The following TRIM32 variants were observed in gnomAD, a reference collection of about 807,000 sequenced individuals.
TRIM32 encodes the protein tripartite motif containing 32.
In TRIM32, 19 loss-of-function variants were observed where a neutral mutation model predicts 36.0. The observed-to-expected ratio is 0.53, with a 90% CI of 0.37 to 0.77. The LOEUF (loss-of-function observed/expected upper bound fraction) is 0.77. Among genes scored for constraint, TRIM32 ranks in the 30% least tolerant of loss-of-function variants. TRIM32 has a pLI of 0.00. For missense variants in TRIM32, 747 were observed against 845.2 expected, an observed-to-expected ratio of 0.88 and a Z score of 1.44; for synonymous variants, 309 against 318.5, an observed-to-expected ratio of 0.97 and a Z score of 0.32.
intron 1 of TRIM32, among the ~76,000 whole-genome samples, chr9:116,691,790 T>A (rs803938): frequency 0.12 from 17,544 of 152,180 alleles, 1,075 homozygotes; most frequent in East Asian, 0.15. Context: ...CGAGTGGCCT[T>A]TGGTGGCACA....
At chr9:116,693,340 T>C (rs1860670116) in intron 1 of TRIM32, among the ~76,000 whole-genome samples, 1 of 152,230 alleles carries the variant, frequency 6.6e-6, no homozygotes, top group African/African-American at 2.4e-5. Flanking sequence ...ACTTTAAGGT[T>C]CATTCTTTTG....
chr9:116,691,366 C>G (rs555106278), intron 1 of TRIM32, among the ~76,000 whole-genome samples: 1 of 152,286 alleles, frequency 6.6e-6, no homozygotes, highest in African/African-American at 2.4e-5. Context: ...TTGAGTCATA[C>G]TGGCAGCGTA....
intron 1 of TRIM32, among the ~76,000 whole-genome samples, chr9:116,695,804 G>A (rs1419778798): frequency 6.6e-6 from 1 of 152,158 alleles, no homozygotes; most frequent in Non-Finnish European, 1.5e-5. Flanking sequence ...ATAAGTATAT[G>A]TATATCAAGA....
chr9:116,698,216 A>G lies in TRIM32; in HGVS notation c.474A>G (p.Glu158=), dbSNP rs955416816. 2 of 1,613,974 alleles carry G rather than the reference A, an allele frequency of 1.2e-6. No homozygotes were observed. Among genetic ancestry groups the G allele is most frequent in the African/African-American group, 2.7e-5 (2 of 74,910 alleles). Residue 158 remains glutamate, a synonymous_variant, in exon 2 of 2, where the codon GAA becomes GAG. Coordinates refer to ENST00000450136, the MANE Select transcript of TRIM32 (RefSeq NM_012210.4). This position sits in a 1 kb window ranked among gnomAD's most constrained non-coding sequence, Gnocchi z 4.4. ...DFGEKLTRLR[E]LMGELQRRKA... is the part of the protein sequence containing the mutation. ...GAGAGAAGTTAACTCGTCTGCGGGAACTTATGGGGGAGCTGCAGCGGCGGA... is the reference window on the plus strand; with the variant it reads ...GAGAGAAGTTAACTCGTCTGCGGGAGCTTATGGGGGAGCTGCAGCGGCGGA...
rs1457058281 is a variant in TRIM32, at chr9:116,700,891, A to C, written c.*1187A>C. The C allele has an allele frequency of 1.2e-5, 2 of 166,964 alleles. No homozygotes were observed. The highest frequency in any genetic ancestry group is 3.8e-4 in the East Asian group (2 of 5,206). The allele number at this position is 166,964 out of a possible 1,614,324, so 10.3% of individuals were successfully genotyped here. On this transcript the variant is annotated 3_prime_UTR_variant, in exon 2 of 2. Coordinates refer to ENST00000450136, the MANE Select transcript of TRIM32 (RefSeq NM_012210.4). ...TCTACCCAGGTCAAAATTCAGCCAA[A>C]AGCACTATTATGTAAAGATAATAAT...
intron 1 of TRIM32, among the ~76,000 whole-genome samples, chr9:116,692,040 T>C (rs1860594424): frequency 1.3e-5 from 2 of 152,228 alleles, no homozygotes; most frequent in South Asian, 4.1e-4. Context: ...GTATCACCAG[T>C]ACCGTTCACA....
chr9:116,697,943 T>C lies in TRIM32; in HGVS notation c.201T>C (p.Ile67=), dbSNP rs780799984. Residue 67 remains isoleucine, a synonymous_variant, in exon 2 of 2, where the codon ATT becomes ATC. Transcript: ENST00000450136. ...NGVRCPFCSK[I]TRITSLTQLT... is the part of the protein sequence containing the mutation. ...TCCGCTGTCCCTTTTGCAGCAAGAT[T>C]ACCCGCATAACCAGCTTGACCCAGC... is the stretch of plus-strand genomic sequence containing the variant. 135 of 1,614,188 alleles carry C rather than the reference T, an allele frequency of 8.4e-5. 1 individual carries two copies. In the South Asian group the frequency reaches 8.9e-4, roughly 11 times the overall value.
At chr9:116,692,716 C>G (rs1309630385) in intron 1 of TRIM32, among the ~76,000 whole-genome samples, 1 of 152,118 alleles carries the variant, frequency 6.6e-6, no homozygotes, top group Non-Finnish European at 1.5e-5. Flanking sequence ...GATTTGTGGT[C>G]TTAATTTCCC....
Position 116,699,158 on chromosome 9 carries a change from A to T in TRIM32, c.1416A>T (p.Pro472=). ...GTCACAGGAGCCAGCTGAGCAAACC[A>T]TGGGGTATCACAGCCTTGCCATCTG... ...VACHRSQLSK[P]WGITALPSGQ... Residue 472 remains proline, a synonymous_variant, in exon 2 of 2, where the codon CCA becomes CCT. Transcript: ENST00000450136. This position sits in a 1 kb window ranked among gnomAD's most constrained non-coding sequence, Gnocchi z 4.2. The T allele has an allele frequency of 6.2e-7, 1 of 1,614,236 alleles. No individual in the cohort carries two copies. Among genetic ancestry groups the T allele is most frequent in the South Asian group, 1.1e-5 (1 of 91,086 alleles).
chr9:116,694,036 A>G (rs1173480726), intron 1 of TRIM32, among the ~76,000 whole-genome samples: 2 of 152,172 alleles, frequency 1.3e-5, no homozygotes. Context: ...AGTGAGGGGA[A>G]CACAGGTTTT....
chr9:116,698,073 T>C lies in TRIM32; in HGVS notation c.331T>C (p.Phe111Leu). The C allele has an allele frequency of 1.2e-6, 2 of 1,614,072 alleles. No homozygotes were observed. The highest frequency in any genetic ancestry group is 4.5e-5 in the East Asian group (2 of 44,862). The stretch of plus-strand genomic sequence containing the variant: ...CTGTGGGCGGCGTCTGCCCCGGCAA[T>C]TCTGCCGGAGCTGTGGTTTGGTGTT... ...RSCGRRLPRQ[F>L]CRSCGLVLCE... is the part of the protein sequence containing the mutation. The change falls in exon 2 of 2, where the codon TTC becomes CTC. Residue 111 changes from phenylalanine (F) to leucine (L), a missense_variant. Transcript: ENST00000450136. This position sits in a 1 kb window ranked among gnomAD's most constrained non-coding sequence, Gnocchi z 4.4.
chr9:116,695,977 A>C (rs115808405), intron 1 of TRIM32, among the ~76,000 whole-genome samples: 1 of 152,114 alleles, frequency 6.6e-6, no homozygotes, highest in Non-Finnish European at 1.5e-5. Context: ...TCACCTTTCA[A>C]ATCTTACTGA....
intron 1 of TRIM32, among the ~76,000 whole-genome samples, chr9:116,691,370 C>T (rs1053152202): frequency 1.7e-4 from 26 of 152,114 alleles, no homozygotes; most frequent in African/African-American, 6.3e-4. Flanking sequence ...GTCATACTGG[C>T]AGCGTAGGTA....
At chr9:116,689,042 G>C (rs569587415) in intron 1 of TRIM32, among the ~76,000 whole-genome samples, 17 of 152,172 alleles carry the variant, frequency 1.1e-4, no homozygotes, top group Middle Eastern at 3.4e-3. Context: ...GGCCTCAAGT[G>C]GGTAGATTAA....
chr9:116,692,948 C>A, intron 1 of TRIM32, among the ~76,000 whole-genome samples: 1 of 152,098 alleles, frequency 6.6e-6, no homozygotes, highest in Non-Finnish European at 1.5e-5. Flanking sequence ...GTTGTAAATT[C>A]ATTTACCCAT....
Position 116,699,671 on chromosome 9 carries a change from C to A in TRIM32, c.1929C>A (p.Tyr643Ter). ...LDCWDHCIKIYSYHLRRYSTP is the reference protein window; with the variant it reads ...LDCWDHCIKI ...GTTGGGATCATTGCATCAAGATCTACAGCTACCATCTGAGAAGATATTCCA... is the reference window on the plus strand; with the variant it reads ...GTTGGGATCATTGCATCAAGATCTAAAGCTACCATCTGAGAAGATATTCCA... Residue 643 changes from tyrosine to a stop codon, truncating the protein, a stop_gained, in exon 2 of 2, where the codon TAC (tyrosine) becomes TAA (stop). Coordinates refer to ENST00000450136, the MANE Select transcript of TRIM32 (RefSeq NM_012210.4). LOFTEE classifies it high-confidence loss of function. The surrounding 1 kb of genome is among the most constrained non-coding windows in gnomAD (Gnocchi z 4.2). 6.2e-7 allele frequency: 1 copy of A among 1,614,170 alleles called. No homozygotes were observed. Among genetic ancestry groups the A allele is most frequent in the Non-Finnish European group, 8.5e-7 (1 of 1,180,030 alleles).
rs1588222137 is a variant in TRIM32, at chr9:116,701,285, A to AATG, written c.*1585_*1587dup. The stretch of plus-strand genomic sequence containing the variant: ...AAAGGATAGGTAAAGAGGTCATTAA[A>AATG]ATGATGTTGAACTAGTTTGTCTTGT... On this transcript the variant is annotated 3_prime_UTR_variant, in exon 2 of 2. Transcript: ENST00000450136. 6.0e-6 allele frequency: 1 copy of AATG among 167,126 alleles called. No individual in the cohort carries two copies. Among genetic ancestry groups the AATG allele is most frequent in the East Asian group, 1.9e-4 (1 of 5,192 alleles). The allele number at this position is 167,126 out of a possible 1,614,324, so 10.4% of individuals were successfully genotyped here.
At position 116,701,045 on chromosome 9, in the gene TRIM32, T is replaced by C; in HGVS notation, c.*1341T>C. ...ACAGTTCACAAAAAGGAAGTTAGTC[T>C]TGTTTTTAAGATCAGAAGTGGGTGA... On this transcript the variant is annotated 3_prime_UTR_variant, in exon 2 of 2. Coordinates refer to ENST00000450136, the MANE Select transcript of TRIM32 (RefSeq NM_012210.4). 6.0e-6 allele frequency: 1 copy of C among 167,228 alleles called. No homozygotes were observed. 10.4% of individuals were successfully genotyped at this position (167,228 alleles called of 1,614,324 possible). A position where few individuals can be genotyped will look rare whatever the true frequency, so the allele number is the denominator to read the frequency against.
In TRIM32 at chr9:116,698,888, A is replaced by G; in HGVS notation, c.1146A>G (p.Gln382=). The G allele has an allele frequency of 6.2e-7, 1 of 1,614,238 alleles. No homozygotes were observed. The highest frequency in any genetic ancestry group is 2.2e-5 in the East Asian group (1 of 44,870). ...NLPVSLYVTS[Q]GEVLVADRGN... ...CAGTCAGTCTCTACGTGACCAGTCA[A>G]GGTGAAGTACTAGTCGCTGACCGTG... The change falls in exon 2 of 2, where the codon CAA becomes CAG. Residue 382 remains glutamine (Q), a synonymous_variant. Transcript: ENST00000450136. The surrounding 1 kb of genome is among the most constrained non-coding windows in gnomAD (Gnocchi z 4.4).
Sources: allele counts gnomAD v4.1 joint callset (sites outside exome capture counted in the v4.1 genomes callset), GRCh38; gene constraint gnomAD v4.1.1; non-coding constraint Gnocchi (gnomAD v3.1); transcripts MANE v1.5; gene names NCBI Gene and HGNC (gene_info 2026-07-23, HGNC 2026-07-21).